The following METTL9 variants were observed in gnomAD, a reference collection of about 807,000 sequenced individuals.
The protein encoded by METTL9 is methyltransferase 9, His-X-His N1(pi)-histidine, also known as protein-L-histidine N-pros-methyltransferase.
A neutral mutation model predicts 36.0 loss-of-function variants in METTL9; 10 were observed. That is an observed-to-expected ratio of 0.28 (90% CI 0.17 to 0.47). METTL9 has a LOEUF of 0.47. Among genes scored for constraint, METTL9 ranks in the 20% least tolerant of loss-of-function variants. The pLI, the probability that METTL9 is intolerant of heterozygous loss-of-function variation, is 0.99. For missense variants in METTL9, 246 were observed against 383.5 expected, an observed-to-expected ratio of 0.64 and a Z score of 3.00; for synonymous variants, 175 against 149.7, an observed-to-expected ratio of 1.17 and a Z score of -1.23.
At chr16:21,597,868 T>G (rs908242623), upstream of METTL9, 1 of 152,640 alleles carries the variant, frequency 6.6e-6, no homozygotes, top group South Asian at 2.1e-4. Flanking sequence ...TTGAACTAGA[T>G]TTAGTAAGGC....
chr16:21,643,289 C>T, intron 4 of METTL9: 1 of 676,598 alleles, frequency 1.5e-6, no homozygotes, highest in Middle Eastern at 2.5e-4. Flanking sequence ...TATGTGCCTA[C>T]AGTTAACTCT....
chr16:21,632,901 A>G (rs929904916), intron 4 of METTL9, among the ~76,000 whole-genome samples: 1 of 152,204 alleles, frequency 6.6e-6, no homozygotes, highest in Non-Finnish European at 1.5e-5. Flanking sequence ...TCTGTGATGT[A>G]TAAAGAGAAG....
At chr16:21,625,348 C>T in intron 4 of METTL9, 1 of 501,236 alleles carries the variant, frequency 2.0e-6, no homozygotes, top group Non-Finnish European at 3.6e-6. Flanking sequence ...TTAGCTGGGT[C>T]TGACTGCTTG....
chr16:21,617,732 A>AC, intron 2 of METTL9, 133 bp from the exon 3 acceptor site: 1 of 831,618 alleles, frequency 1.2e-6, no homozygotes, highest in Non-Finnish European at 1.9e-6. Flanking sequence ...TTGTCTAAAA[A>AC]AAAAAAAAAT....
intron 4 of METTL9, among the ~76,000 whole-genome samples, chr16:21,647,950 G>A (rs1966472522): frequency 6.6e-6 from 1 of 152,196 alleles, no homozygotes; most frequent in Non-Finnish European, 1.5e-5. Context: ...GCCGCTGATG[G>A]AGCCTATGAG....
intron 1 of METTL9, among the ~76,000 whole-genome samples, chr16:21,606,427 A>G (rs1965291155): frequency 6.6e-6 from 1 of 152,070 alleles, no homozygotes; most frequent in Non-Finnish European, 1.5e-5. Flanking sequence ...GAAGAGGTGC[A>G]TAGGGTGAGG....
intron 4 of METTL9, among the ~76,000 whole-genome samples, chr16:21,627,983 A>C (rs1413443649): frequency 6.6e-6 from 1 of 152,128 alleles, no homozygotes; most frequent in Admixed American, 6.5e-5. Flanking sequence ...AAAGTTTCTC[A>C]TCCAGTCCAG....
chr16:21,597,229 CTG>C, upstream of METTL9: 1 of 1,284,610 alleles, frequency 7.8e-7, no homozygotes, highest in Non-Finnish European at 1.0e-6. Flanking sequence ...AGGAGGCTCT[CTG>C]AGAAGAGACA....
intron 4 of METTL9, among the ~76,000 whole-genome samples, chr16:21,626,574 T>TAGATC (rs1965819586): frequency 6.6e-6 from 1 of 152,342 alleles, no homozygotes; most frequent in East Asian, 1.9e-4. Flanking sequence ...GATCTCCCCT[T>TAGATC]TCCCATCTTA....
intron 4 of METTL9, among the ~76,000 whole-genome samples, chr16:21,634,182 C>T (rs1287859588): frequency 6.6e-6 from 1 of 152,138 alleles, no homozygotes; most frequent in Non-Finnish European, 1.5e-5. Flanking sequence ...GTCATCTGGA[C>T]AGGAGATTAA....
chr16:21,654,066 G>A (rs1966649712), intron 4 of METTL9: 1 of 118,906 alleles, frequency 8.4e-6, no homozygotes, highest in African/African-American at 3.4e-5. Flanking sequence ...TTTTGAGACA[G>A]AGTCTCGCTC....
chr16:21,634,782 G>C (rs1966045276), intron 4 of METTL9, among the ~76,000 whole-genome samples: 1 of 152,098 alleles, frequency 6.6e-6, no homozygotes, highest in African/African-American at 2.4e-5. Context: ...TTTTCTTAAG[G>C]CCTCCTGTAG....
At chr16:21,600,947 A>G (rs1965108117) in intron 1 of METTL9, among the ~76,000 whole-genome samples, 1 of 152,122 alleles carries the variant, frequency 6.6e-6, no homozygotes, top group African/African-American at 2.4e-5. Flanking sequence ...TTATTATGCC[A>G]GGTGTTCAGA....
In METTL9 at chr16:21,607,568, T is replaced by G. The variant is rs190493458; in HGVS notation, c.166-5077T>G. On this transcript the variant is annotated intron_variant, in intron 1 of 4. Coordinates refer to ENST00000358154, the MANE Select transcript of METTL9 (RefSeq NM_016025.5). ...TGTAATTTTTAGATATCACATCCTG[T>G]TCTGTACTTGGCATCAGCAGATGAC... Among the ~76,000 whole-genome samples the G allele has an allele frequency of 1.2e-4, 18 of 152,362 alleles. No homozygotes were observed. The East Asian group carries it at 3.1e-3, about 26-fold the overall frequency.
At chr16:21,619,341 T>C (rs1319820258) in intron 3 of METTL9, among the ~76,000 whole-genome samples, 2 of 152,164 alleles carry the variant, frequency 1.3e-5, no homozygotes, top group African/African-American at 4.8e-5. Context: ...TGCTATTTTC[T>C]GTTTTGTTTT....
chr16:21,618,089 G>GT lies in METTL9; in HGVS notation c.566+19dup, dbSNP rs764311475. ...AAGAAATACAGGTATAATTTTCTTG[G>GT]TTTTAGATGCATTTCTTCTTGAAAG... On this transcript the variant is annotated intron_variant, in intron 3 of 4. Transcript: ENST00000358154. 1.3e-6 allele frequency: 2 copies of GT among 1,490,740 alleles called. No individual in the cohort carries two copies. The highest frequency in any genetic ancestry group is 2.7e-5 in the South Asian group (2 of 75,082). 92.3% of individuals were successfully genotyped at this position (1,490,740 alleles called of 1,614,324 possible). A position where few individuals can be genotyped will look rare whatever the true frequency, so the allele number is the denominator to read the frequency against.
In METTL9 at chr16:21,612,715, A is replaced by G. The variant is rs144081006; in HGVS notation, c.236A>G (p.Gln79Arg). The G allele has an allele frequency of 6.5e-5, 104 of 1,612,140 alleles. 1 individual carries two copies. In the African/African-American group the frequency reaches 1.3e-3, roughly 20 times the overall value. ...QAVFVQSYLD[Q>R]GTQIFLNNSI... ...GTCTTTGTTCAGAGTTACCTTGATC[A>G]AGGAACACAGATCTTCTTAAACAAC... Residue 79 changes from glutamine to arginine, a missense_variant, in exon 2 of 5, where the codon CAA becomes CGA. Physicochemically the swap from Gln to Arg is conservative, Grantham distance 43. Transcript: ENST00000358154.
intron 4 of METTL9, among the ~76,000 whole-genome samples, chr16:21,630,234 C>T (rs1029664505): frequency 1.4e-4 from 22 of 152,348 alleles, no homozygotes; most frequent in African/African-American, 3.1e-4. Context: ...GCTTGTCCCC[C>T]GATCAAGCCC....
chr16:21,645,046 C>G (rs1966389144), intron 4 of METTL9, among the ~76,000 whole-genome samples: 1 of 152,180 alleles, frequency 6.6e-6, no homozygotes, highest in Admixed American at 6.5e-5. Context: ...GTCTTGTGCT[C>G]TGGGTAGGGA....
Sources: gnomAD v4.1 joint callset for allele counts (sites outside exome capture counted in the v4.1 genomes callset) on GRCh38, gnomAD v4.1.1 for gene constraint, MANE v1.5 for transcripts, NCBI Gene and HGNC (gene_info 2026-07-23, HGNC 2026-07-21) for gene names.